The following LUZP2 variants were observed in gnomAD, a reference collection of about 807,000 sequenced individuals.
LUZP2 encodes leucine zipper protein 2.
A neutral mutation model predicts 51.6 loss-of-function variants in LUZP2; 52 were observed. The observed-to-expected ratio is 1.01, with a 90% CI of 0.81 to 1.27. The LOEUF (loss-of-function observed/expected upper bound fraction) is 1.27, where lower values mean the gene tolerates loss of function less well. Ranked by LOEUF, LUZP2 falls within the 50% of genes most tolerant of loss-of-function variation. The pLI is 0.00. For missense variants in LUZP2, 436 were observed against 395.4 expected, an observed-to-expected ratio of 1.10 and a Z score of -0.87; for synonymous variants, 154 against 137.3, an observed-to-expected ratio of 1.12 and a Z score of -0.85.
intron 10 of LUZP2, among the ~76,000 whole-genome samples, chr11:25,076,456 G>A (rs1292906828): frequency 6.6e-6 from 1 of 151,866 alleles, no homozygotes; most frequent in Non-Finnish European, 1.5e-5. Flanking sequence ...ATATGTTGCT[G>A]TTAATTTAAA....
intron 1 of LUZP2, among the ~76,000 whole-genome samples, chr11:24,606,004 T>C (rs1429603651): frequency 6.6e-6 from 1 of 151,882 alleles, no homozygotes; most frequent in East Asian, 1.9e-4. Flanking sequence ...TGTCTTCCAG[T>C]TGCATTTATA....
chr11:25,059,734 G>A (rs960221120), intron 10 of LUZP2, among the ~76,000 whole-genome samples: 7 of 152,122 alleles, frequency 4.6e-5, no homozygotes, highest in African/African-American at 1.2e-4. Context: ...AACACAAAAG[G>A]AGGAGAGGAA....
chr11:24,890,841 A>G (rs1852828941), intron 5 of LUZP2: 13 of 874,450 alleles, frequency 1.5e-5, no homozygotes, highest in Non-Finnish European at 1.8e-5. Context: ...CTAAAATCAC[A>G]TATAGAAAAA....
At chr11:24,793,822 G>T (rs372502947) in intron 5 of LUZP2, among the ~76,000 whole-genome samples, 6 of 152,122 alleles carry the variant, frequency 3.9e-5, no homozygotes, top group African/African-American at 1.4e-4. Context: ...CTTTAACATG[G>T]TTTTGTTAGC....
intron 1 of LUZP2, among the ~76,000 whole-genome samples, chr11:24,614,701 A>G (rs954223267): frequency 6.6e-6 from 1 of 152,008 alleles, no homozygotes; most frequent in African/African-American, 2.4e-5. Flanking sequence ...GAAGGGACAC[A>G]TAGCTCAATC....
intron 7 of LUZP2, among the ~76,000 whole-genome samples, chr11:24,928,512 C>T (rs557175644): frequency 7.2e-5 from 11 of 151,744 alleles, no homozygotes; most frequent in Non-Finnish European, 1.6e-4. Context: ...AAAAATTCTT[C>T]CTGTGTAATG....
At chr11:24,996,281 C>G (rs184971437) in intron 9 of LUZP2, among the ~76,000 whole-genome samples, 11 of 151,302 alleles carry the variant, frequency 7.3e-5, no homozygotes, top group Admixed American at 6.6e-4. Context: ...ACGTTTCTCT[C>G]TCTCTCCCTG....
At chr11:24,594,268 C>T (rs1414768575) in intron 1 of LUZP2, among the ~76,000 whole-genome samples, 1 of 152,152 alleles carries the variant, frequency 6.6e-6, no homozygotes, top group Non-Finnish European at 1.5e-5. Context: ...ATGTCAATGA[C>T]TTCAGATCTT....
chr11:24,647,961 G>A (rs2133956940), intron 1 of LUZP2, among the ~76,000 whole-genome samples: 1 of 151,802 alleles, frequency 6.6e-6, no homozygotes, highest in East Asian at 1.9e-4. Context: ...ATTTTACCAA[G>A]CCACCTGTAC....
intron 7 of LUZP2, among the ~76,000 whole-genome samples, chr11:24,920,860 T>A (rs1854029546): frequency 1.3e-5 from 2 of 152,042 alleles, no homozygotes; most frequent in African/African-American, 4.8e-5. Flanking sequence ...ATTATTTGAG[T>A]GATGGATACA....
intron 1 of LUZP2, among the ~76,000 whole-genome samples, chr11:24,702,908 G>T (rs1316483845): frequency 6.6e-6 from 1 of 152,174 alleles, no homozygotes; most frequent in Admixed American, 6.5e-5. Context: ...GATTTTGCTA[G>T]TTAAATGGGG....
intron 7 of LUZP2, among the ~76,000 whole-genome samples, chr11:24,974,741 A>C (rs765275529): frequency 6.6e-6 from 1 of 152,040 alleles, no homozygotes; most frequent in Non-Finnish European, 1.5e-5. Flanking sequence ...GAAGAAAATT[A>C]TGCTTGGAAT....
intron 1 of LUZP2, among the ~76,000 whole-genome samples, chr11:24,577,189 C>A (rs915912821): frequency 6.6e-6 from 1 of 151,626 alleles, no homozygotes; most frequent in Admixed American, 6.6e-5. Flanking sequence ...CACTTCTGCT[C>A]TTTTTCAGAG....
intron 9 of LUZP2, among the ~76,000 whole-genome samples, chr11:25,016,283 T>C (rs1174630064): frequency 6.6e-6 from 1 of 152,030 alleles, no homozygotes; most frequent in Non-Finnish European, 1.5e-5. Flanking sequence ...AACATATAAT[T>C]ATTTATCCCT....
intron 5 of LUZP2, among the ~76,000 whole-genome samples, chr11:24,799,518 G>A (rs1369763903): frequency 6.6e-6 from 1 of 151,540 alleles, no homozygotes; most frequent in African/African-American, 2.4e-5. Context: ...TCGAACTTGG[G>A]AGGTGGAGGT....
At chr11:24,959,448 T>G (rs1855325341) in intron 7 of LUZP2, among the ~76,000 whole-genome samples, 1 of 152,172 alleles carries the variant, frequency 6.6e-6, no homozygotes, top group Non-Finnish European at 1.5e-5. Flanking sequence ...CGGTTTGTAG[T>G]TCTCCTTGAA....
At chr11:24,876,757 A>G (rs142394062) in intron 5 of LUZP2, among the ~76,000 whole-genome samples, 11 of 151,710 alleles carry the variant, frequency 7.3e-5, no homozygotes, top group African/African-American at 2.7e-4. Context: ...ATTTGTTTGT[A>G]TCCTCTTTTA....
At chr11:24,734,663 A>C (rs1858858866) in intron 3 of LUZP2, among the ~76,000 whole-genome samples, 1 of 151,982 alleles carries the variant, frequency 6.6e-6, no homozygotes, top group Non-Finnish European at 1.5e-5. Flanking sequence ...TTTACCTAAA[A>C]AGAGAAATAT....
At chr11:25,007,145 C>T (rs1856854020) in intron 9 of LUZP2, among the ~76,000 whole-genome samples, 1 of 152,110 alleles carries the variant, frequency 6.6e-6, no homozygotes, top group African/African-American at 2.4e-5. Flanking sequence ...AGACACAGAG[C>T]ACTGATTGGT....
Sources: allele counts gnomAD v4.1 joint callset (sites outside exome capture counted in the v4.1 genomes callset), GRCh38; gene constraint gnomAD v4.1.1; transcripts MANE v1.5; gene names NCBI Gene and HGNC (gene_info 2026-07-23, HGNC 2026-07-21).